RORA: variants seen among roughly 807,000 people sequenced by gnomAD.
RORA encodes the protein RAR related orphan receptor A.
Under a neutral mutation model 69.5 loss-of-function variants are expected in RORA, and 7 were observed. The observed-to-expected ratio is 0.10, with a 90% confidence interval of 0.06 to 0.19. The LOEUF is 0.19. Ranked by LOEUF, RORA falls within the 10% of genes least tolerant of loss-of-function variation. The pLI, the probability that RORA is intolerant of heterozygous loss-of-function variation, is 1.00. For missense variants in RORA, 457 were observed against 663.0 expected, an observed-to-expected ratio of 0.69 and a Z score of 3.41; for synonymous variants, 261 against 240.8, an observed-to-expected ratio of 1.08 and a Z score of -0.78.
At chr15:61,089,788 C>T (rs1294633672) in intron 1 of RORA, among the ~76,000 whole-genome samples, 1 of 152,118 alleles carries the variant, frequency 6.6e-6, no homozygotes, top group Non-Finnish European at 1.5e-5. Flanking sequence ...TCCTGAGTTC[C>T]TCTGTAGCCC....
At chr15:61,008,204 TGTGTGTGTGTG>T (rs1566941697) in intron 1 of RORA, among the ~76,000 whole-genome samples, 1 of 14,198 alleles carries the variant, frequency 7.0e-5, no homozygotes, top group African/African-American at 1.1e-4. Flanking sequence ...TCTCTCTCTC[TGTGTGTGTGTG>T]TGTGTGTGTG....
intron 2 of RORA, among the ~76,000 whole-genome samples, chr15:60,601,900 T>G (rs1291801590): frequency 2.0e-5 from 3 of 152,120 alleles, no homozygotes; most frequent in Non-Finnish European, 4.4e-5. Context: ...TTAAGTAAAA[T>G]ATTAGTAAAA....
chr15:61,065,910 T>C (rs760218200), intron 1 of RORA, among the ~76,000 whole-genome samples: 1 of 152,170 alleles, frequency 6.6e-6, no homozygotes, highest in Non-Finnish European at 1.5e-5. Flanking sequence ...AAGCAGGCAA[T>C]TTATCTTTCT....
At chr15:60,635,772 A>G (rs1222984038) in intron 2 of RORA, among the ~76,000 whole-genome samples, 1 of 152,130 alleles carries the variant, frequency 6.6e-6, no homozygotes, top group African/African-American at 2.4e-5. Flanking sequence ...AGGGTAAATG[A>G]GTGGGACAAA....
intron 1 of RORA, among the ~76,000 whole-genome samples, chr15:60,902,547 T>C (rs927247359): frequency 6.6e-6 from 1 of 152,246 alleles, no homozygotes; most frequent in South Asian, 2.1e-4. Flanking sequence ...TTGCCTCTGC[T>C]GTGAATCAGA....
intron 1 of RORA, among the ~76,000 whole-genome samples, chr15:61,174,996 C>T (rs1359720909): frequency 1.3e-5 from 2 of 152,190 alleles, no homozygotes; most frequent in Middle Eastern, 3.2e-3. Context: ...ATGTTCTTAA[C>T]TATTCTACTG....
rs193183967 is a variant in RORA at position 60,534,843 on chromosome 15, A to G, written c.197-2992T>C. ...GAGCAGGGCACTTGCTCAGCCCTTC[A>G]TTTAACCCAACAATGCACAAAAGCC... On this transcript the variant is annotated intron_variant, in intron 2 of 10. Transcript: ENST00000335670. The surrounding 1 kb of genome is among the most constrained non-coding windows in gnomAD (Gnocchi z 5.0). Among the ~76,000 whole-genome samples, 2 of 152,270 alleles carry G rather than the reference A, an allele frequency of 1.3e-5. No individual in the cohort carries two copies. The highest frequency in any genetic ancestry group is 2.9e-5 in the Non-Finnish European group (2 of 68,012).
At chr15:60,799,396 T>C (rs1024026250) in intron 1 of RORA, among the ~76,000 whole-genome samples, 2 of 152,146 alleles carry the variant, frequency 1.3e-5, no homozygotes, top group African/African-American at 4.8e-5. Flanking sequence ...TTCCTTTTTA[T>C]GGCTAGCCTG....
intron 1 of RORA, among the ~76,000 whole-genome samples, chr15:60,993,644 CAAAAA>C (rs3053932): frequency 2.4e-5 from 2 of 83,072 alleles, no homozygotes; most frequent in African/African-American, 4.8e-5. Context: ...CTCTCCATCT[CAAAAA>C]AAAAAAAAAA....
chr15:61,012,590 TG>T (rs1218300206), intron 1 of RORA, among the ~76,000 whole-genome samples: 1 of 152,188 alleles, frequency 6.6e-6, no homozygotes, highest in African/African-American at 2.4e-5. Context: ...AGCAGATAAA[TG>T]TTTTTTTGAT....
At chr15:60,829,762 T>C (rs868834377) in intron 1 of RORA, among the ~76,000 whole-genome samples, 11 of 152,226 alleles carry the variant, frequency 7.2e-5, no homozygotes, top group African/African-American at 2.7e-4. Context: ...CCAGTGCTGG[T>C]GATGATCTCT....
intron 1 of RORA, among the ~76,000 whole-genome samples, chr15:60,738,393 A>G (rs76449887): frequency 2.0e-5 from 3 of 152,358 alleles, no homozygotes; most frequent in Non-Finnish European, 4.4e-5. Context: ...CTCCTGCCCC[A>G]ACCACAAATT....
intron 1 of RORA, among the ~76,000 whole-genome samples, chr15:60,845,289 TG>T (rs2073250600): frequency 6.6e-6 from 1 of 152,238 alleles, no homozygotes; most frequent in African/African-American, 2.4e-5. Flanking sequence ...AAAGACACAC[TG>T]CATTTCAGCA....
chr15:60,888,814 C>T (rs1336815871), intron 1 of RORA, among the ~76,000 whole-genome samples: 1 of 151,054 alleles, frequency 6.6e-6, no homozygotes, highest in Non-Finnish European at 1.5e-5. Flanking sequence ...TTGATGAGCC[C>T]TTCCTGAGCC....
intron 1 of RORA, among the ~76,000 whole-genome samples, chr15:60,833,055 C>A (rs1222849228): frequency 2.0e-5 from 3 of 151,906 alleles, no homozygotes; most frequent in Non-Finnish European, 4.4e-5. Context: ...CAGGCGCCCA[C>A]CACCATGCCC....
At chr15:60,532,943 C>T (rs911217123) in intron 2 of RORA, among the ~76,000 whole-genome samples, 2 of 152,194 alleles carry the variant, frequency 1.3e-5, no homozygotes, top group African/African-American at 4.8e-5. Context: ...AGCCCCAGAC[C>T]TTACACAGAG....
In RORA at chr15:60,903,819, T is replaced by C. The variant is rs1048745724; in HGVS notation, c.167-225133A>G. Reference sequence around the variant, plus strand: ...ATAGTGATTTAAATGGGGGTAACAATGAATATAATATCTTCTAACATGTTA... The same window carrying C: ...ATAGTGATTTAAATGGGGGTAACAACGAATATAATATCTTCTAACATGTTA... On this transcript the variant is annotated intron_variant, in intron 1 of 10. Coordinates refer to ENST00000335670, the MANE Select transcript of RORA (RefSeq NM_134261.3). 4.6e-5 allele frequency among the ~76,000 whole-genome samples: 7 copies of C among 152,210 alleles called. No homozygotes were observed. In the East Asian group the frequency reaches 1.3e-3, roughly 29 times the overall value.
At chr15:60,984,094 T>C (rs984226662) in intron 1 of RORA, among the ~76,000 whole-genome samples, 1 of 152,108 alleles carries the variant, frequency 6.6e-6, no homozygotes, top group African/African-American at 2.4e-5. Context: ...TGAGAATATG[T>C]TAGTAGGATA....
chr15:60,592,929 C>T (rs1226606198), intron 2 of RORA: 2 of 455,632 alleles, frequency 4.4e-6, no homozygotes, highest in Admixed American at 2.4e-5. Context: ...GCTGGCTTGC[C>T]GGAGCACTCG....
Sources: gnomAD v4.1 joint callset for allele counts (sites outside exome capture counted in the v4.1 genomes callset) on GRCh38, gnomAD v4.1.1 for gene constraint, Gnocchi (gnomAD v3.1) non-coding constraint, MANE v1.5 for transcripts, NCBI Gene and HGNC (gene_info 2026-07-23, HGNC 2026-07-21) for gene names.